UBE4B: variants seen among roughly 807,000 people sequenced by gnomAD.
UBE4B encodes the protein ubiquitin conjugation factor E4 B.
Under a neutral mutation model 148.1 loss-of-function variants are expected in UBE4B, and 27 were observed. That is an observed-to-expected ratio of 0.18 (90% CI 0.13 to 0.25). The LOEUF is 0.25. UBE4B is among the 10% of genes least tolerant of loss of function. The pLI, the probability that UBE4B is intolerant of heterozygous loss-of-function variation, is 1.00. For missense variants in UBE4B, 1,170 were observed against 1,662.4 expected (o/e 0.70, Z 5.15); for synonymous variants, 596 against 619.3 (o/e 0.96, Z 0.56).
rs535500337 is a variant in UBE4B, at chr1:10,068,046, T to A, written c.25-3982T>A. ...CCTGGCCAGTTTTTTTTTTTTTTTT[T>A]AAGATGGAGTCTTGCTCTGTTGCCC... On this transcript the variant is annotated intron_variant, in intron 1 of 27. Transcript: ENST00000343090. 6.9e-3 allele frequency among the ~76,000 whole-genome samples: 1,038 copies of A among 150,482 alleles called. 39 individuals carry two copies. Among genetic ancestry groups the A allele is most frequent in the Admixed American group, 0.066 (991 of 15,002 alleles).
At position 10,166,960 on chromosome 1, in the gene UBE4B, CACACACACACAA is replaced by C. The variant is rs898387860; in HGVS notation, c.3199-1174_3199-1163del. ...AATAAATCACACACACACACACACACACACACACACAAAAAAAAAAAATTAGCTGGGCATGGT... is the reference window on the plus strand; with the variant it reads ...AATAAATCACACACACACACACACACAAAAAAAAAATTAGCTGGGCATGGT... On this transcript the variant is annotated intron_variant, in intron 23 of 27. Transcript: ENST00000343090. Among the ~76,000 whole-genome samples the C allele has an allele frequency of 5.7e-5, 8 of 140,462 alleles. No homozygotes were observed. The East Asian group carries it at 8.9e-4, about 16-fold the overall frequency. The allele number at this position is 140,462 out of a possible 152,430, so 92.1% of individuals were successfully genotyped here.
rs781589589 is a variant in UBE4B, at chr1:10,134,978, A to C, written c.2026-10A>C. On this transcript the variant is annotated splice_polypyrimidine_tract_variant and intron_variant, in intron 15 of 27. Transcript: ENST00000343090. ...TGTTTAAAAATACTTTTTCTTTTCA[A>C]CTTTCACAGACAGATGATAGATTGG... 9 of 1,609,688 alleles carry C rather than the reference A, an allele frequency of 5.6e-6. No individual in the cohort carries two copies. The highest frequency in any genetic ancestry group is 6.8e-6 in the Non-Finnish European group (8 of 1,178,054).
In UBE4B at chr1:10,043,822, T is replaced by C. The variant is rs934592373; in HGVS notation, c.24+10128T>C. Among the ~76,000 whole-genome samples, 6 of 152,226 alleles carry C rather than the reference T, an allele frequency of 3.9e-5. No homozygotes were observed. In the South Asian group the frequency reaches 8.3e-4, roughly 21 times the overall value. ...TCCTGTTTAGGTGTGAACCTGGTTA[T>C]ACCTGTTCATGTAATCACCCCTTCA... is the stretch of plus-strand genomic sequence containing the variant. On this transcript the variant is annotated intron_variant, in intron 1 of 27. Transcript: ENST00000343090.
chr1:10,162,786 C>T (rs1228738815), intron 23 of UBE4B, among the ~76,000 whole-genome samples: 1 of 152,116 alleles, frequency 6.6e-6, no homozygotes, highest in African/African-American at 2.4e-5. Flanking sequence ...TCCTCCCTCA[C>T]TCCCCTCCCT....
chr1:10,097,055 T>G (rs192934423), intron 3 of UBE4B, among the ~76,000 whole-genome samples: 1 of 141,624 alleles, frequency 7.1e-6, no homozygotes, highest in Non-Finnish European at 1.6e-5. Context: ...AAAAAAAAAA[T>G]AATAATAATA....
intron 2 of UBE4B, among the ~76,000 whole-genome samples, chr1:10,091,334 A>G (rs1644843596): frequency 6.6e-6 from 1 of 152,188 alleles, no homozygotes; most frequent in Admixed American, 6.5e-5. Context: ...TGAGGTTTGA[A>G]AACAGTGATA....
chr1:10,092,586 G>C (rs1261889407), intron 2 of UBE4B, among the ~76,000 whole-genome samples: 2 of 151,530 alleles, frequency 1.3e-5, no homozygotes, highest in Admixed American at 1.3e-4. Flanking sequence ...CTAACACTTT[G>C]GGAGACTGAG....
intron 2 of UBE4B, among the ~76,000 whole-genome samples, chr1:10,090,769 G>T (rs369488590): frequency 6.7e-6 from 1 of 149,358 alleles, no homozygotes; most frequent in Admixed American, 6.7e-5. Flanking sequence ...CTCTTTTTAC[G>T]GTGGAATTTA....
Position 10,180,463 on chromosome 1 carries a change from C to G in UBE4B, c.*507C>G, listed in dbSNP as rs915189062. 6.5e-6 allele frequency: 1 copy of G among 153,860 alleles called. No individual in the cohort carries two copies. Among genetic ancestry groups the G allele is most frequent in the African/African-American group, 2.4e-5 (1 of 41,424 alleles). The allele number at this position is 153,860 out of a possible 1,614,324, so 9.5% of individuals were successfully genotyped here. On this transcript the variant is annotated 3_prime_UTR_variant, in exon 28 of 28. Transcript: ENST00000343090. ...AAAGTAAACTCCTTTCCCTGGCCCTCCAAACATATATTCTGTGAGATAACT... is the reference window on the plus strand; with the variant it reads ...AAAGTAAACTCCTTTCCCTGGCCCTGCAAACATATATTCTGTGAGATAACT...
rs754935327 is a variant in UBE4B, at chr1:10,033,712, CA to C, written c.24+19del. On this transcript the variant is annotated intron_variant, in intron 1 of 27. Transcript: ENST00000343090. ...CTGATGAGGTGAGGAGGTTGGGGGACACCTTGAGGGATTAGTTGGCAACTCG... is the reference window on the plus strand; with the variant it reads ...CTGATGAGGTGAGGAGGTTGGGGGACCCTTGAGGGATTAGTTGGCAACTCG... The C allele has an allele frequency of 6.4e-7, 1 of 1,556,226 alleles. No homozygotes were observed. The highest frequency in any genetic ancestry group is 1.4e-5 in the African/African-American group (1 of 71,764).
rs532292888 is a variant in UBE4B, at chr1:10,053,441, G to A, written c.25-18587G>A. ...TGGGATTACAGGCGTGAGCCACTGCGCCTGGCCTATTTATTTTTTATTTAA... is the reference window on the plus strand; with the variant it reads ...TGGGATTACAGGCGTGAGCCACTGCACCTGGCCTATTTATTTTTTATTTAA... On this transcript the variant is annotated intron_variant, in intron 1 of 27. Coordinates refer to ENST00000343090, the MANE Select transcript of UBE4B (RefSeq NM_001105562.3). 3.3e-5 allele frequency among the ~76,000 whole-genome samples: 5 copies of A among 151,632 alleles called. No homozygotes were observed. In the South Asian group the frequency reaches 6.2e-4, roughly 19 times the overall value.
At chr1:10,096,030 C>G (rs1027618797) in intron 3 of UBE4B, among the ~76,000 whole-genome samples, 1 of 152,116 alleles carries the variant, frequency 6.6e-6, no homozygotes, top group Non-Finnish European at 1.5e-5. Context: ...CTTGGCCTCC[C>G]AAAGGACTGG....
intron 2 of UBE4B, among the ~76,000 whole-genome samples, chr1:10,077,337 G>T (rs2101841272): frequency 6.6e-6 from 1 of 152,266 alleles, no homozygotes; most frequent in Admixed American, 6.5e-5. Flanking sequence ...GTGTGTCTGT[G>T]TCCAAATTTC....
intron 23 of UBE4B, among the ~76,000 whole-genome samples, chr1:10,167,441 AAATAATAATAAT>A (rs200457569): frequency 2.7e-5 from 4 of 147,182 alleles, no homozygotes; most frequent in Admixed American, 2.0e-4. Flanking sequence ...CCGTCTCAAA[AAATAATAATAAT>A]AATAATAATA....
chr1:10,074,079 T>C (rs1644538260), intron 2 of UBE4B, among the ~76,000 whole-genome samples: 1 of 152,042 alleles, frequency 6.6e-6, no homozygotes, highest in Non-Finnish European at 1.5e-5. Context: ...GCTGGGACTA[T>C]AGGCATGTGC....
At position 10,113,104 on chromosome 1, in the gene UBE4B, A is replaced by G. The variant is rs533601263; in HGVS notation, c.1197-4355A>G. On this transcript the variant is annotated intron_variant, in intron 7 of 27. Coordinates refer to ENST00000343090, the MANE Select transcript of UBE4B (RefSeq NM_001105562.3). ...TGGTACCTCAGGCTGTTCAAGAAGC[A>G]TGACACCAGCATCTGCTTCTTGTGA... Among the ~76,000 whole-genome samples the G allele has an allele frequency of 1.1e-4, 16 of 152,308 alleles. No individual in the cohort carries two copies. In the South Asian group the frequency reaches 3.3e-3, roughly 32 times the overall value.
At chr1:10,118,279 G>A (rs910394975) in intron 8 of UBE4B, among the ~76,000 whole-genome samples, 2 of 152,058 alleles carry the variant, frequency 1.3e-5, no homozygotes, top group African/African-American at 4.8e-5. Context: ...GCCTTCTTTG[G>A]GCTTTGTTGT....
At chr1:10,061,586 A>G (rs1644287177) in intron 1 of UBE4B, among the ~76,000 whole-genome samples, 1 of 152,110 alleles carries the variant, frequency 6.6e-6, no homozygotes, top group Admixed American at 6.6e-5. Flanking sequence ...AGTGAAGGGC[A>G]TTGCCTGGGA....
At chr1:10,071,609 G>A (rs746540784) in intron 1 of UBE4B, among the ~76,000 whole-genome samples, 13 of 152,116 alleles carry the variant, frequency 8.5e-5, no homozygotes, top group African/African-American at 1.4e-4. Context: ...TATGCTTACC[G>A]TAAATTCGCC....
Sources: gnomAD v4.1 joint callset for allele counts (sites outside exome capture counted in the v4.1 genomes callset) on GRCh38, gnomAD v4.1.1 for gene constraint, MANE v1.5 for transcripts, NCBI Gene and HGNC (gene_info 2026-07-23, HGNC 2026-07-21) for gene names.